Variants in KIF1B observed in about 807,000 individuals in gnomAD.
KIF1B encodes the protein kinesin-like protein KIF1B.
Under a neutral mutation model 241.9 loss-of-function variants are expected in KIF1B, and 76 were observed. The ratio of observed to expected loss-of-function variants is 0.31; its 90% confidence interval spans 0.26 to 0.38. The LOEUF (loss-of-function observed/expected upper bound fraction) is 0.38, where lower values mean the gene tolerates loss of function less well. Among genes scored for constraint, KIF1B ranks in the 10% least tolerant of loss-of-function variants. The pLI is 1.00. For synonymous variants in KIF1B, 750 were observed against 796.7 expected, an observed-to-expected ratio of 0.94 and a Z score of 0.99; for missense variants, 1,622 against 2,271.4, an observed-to-expected ratio of 0.71 and a Z score of 5.81.
chr1:10,296,618 C>G lies in KIF1B; in HGVS notation c.1814C>G (p.Thr605Ser), dbSNP rs1650277294. Residue 605 changes from threonine to serine, a missense_variant, in exon 20 of 49, where the codon ACC becomes AGC. Physicochemically the swap from Thr to Ser is moderately conservative, Grantham distance 58. This residue lies in a region of KIF1B where 803 missense variants were observed against 1,112.0 expected (regional missense o/e 0.72). Transcript: ENST00000676179. ...VTLEPCERSE[T>S]YVNGKRVSQP... ...TTAGAGCCCTGTGAGCGCTCAGAAACCTACGTAAATGGCAAGAGGGTGTCC... is the reference window on the plus strand; with the variant it reads ...TTAGAGCCCTGTGAGCGCTCAGAAAGCTACGTAAATGGCAAGAGGGTGTCC... 1 of 1,613,848 alleles carries G rather than the reference C, an allele frequency of 6.2e-7. No homozygotes were observed. The highest frequency in any genetic ancestry group is 8.5e-7 in the Non-Finnish European group (1 of 1,179,984).
rs1638979039 is a variant in KIF1B, at chr1:10,379,883, G to A, written c.*3296G>A. 4.4e-6 allele frequency: 1 copy of A among 229,748 alleles called. No individual in the cohort carries two copies. Among genetic ancestry groups the A allele is most frequent in the Non-Finnish European group, 8.6e-6 (1 of 115,862 alleles). The allele number at this position is 229,748 out of a possible 1,614,324, so 14.2% of individuals were successfully genotyped here. A position where few individuals can be genotyped will look rare whatever the true frequency, so the allele number is the denominator to read the frequency against. ...AGCCCATGCGCTAGTCAGGAGCACA[G>A]GCAAGGGGTGCTTGTGGCAGTGGCC... is the stretch of plus-strand genomic sequence containing the variant. On this transcript the variant is annotated 3_prime_UTR_variant, in exon 49 of 49. Transcript: ENST00000676179.
chr1:10,248,558 G>C (rs1295252273), intron 2 of KIF1B, among the ~76,000 whole-genome samples: 1 of 152,168 alleles, frequency 6.6e-6, no homozygotes, highest in African/African-American at 2.4e-5. Flanking sequence ...TGCAACACCA[G>C]ATACTGGGAC....
At chr1:10,294,167 A>G (rs1650145594) in intron 17 of KIF1B, among the ~76,000 whole-genome samples, 1 of 152,214 alleles carries the variant, frequency 6.6e-6, no homozygotes, top group South Asian at 2.1e-4. Context: ...CCTCAAGACC[A>G]TGTGACTTAT....
intron 27 of KIF1B, among the ~76,000 whole-genome samples, chr1:10,330,685 G>A (rs1301432638): frequency 1.3e-5 from 2 of 152,078 alleles, no homozygotes; most frequent in African/African-American, 2.4e-5. Flanking sequence ...AAGATAAGAG[G>A]CAAATCATTT....
chr1:10,268,065 G>GTT (rs1394241955), intron 6 of KIF1B, 87 bp from the exon 7 acceptor site: 1 of 841,086 alleles, frequency 1.2e-6, no homozygotes, highest in Admixed American at 2.0e-5. Flanking sequence ...GCTTGTGATT[G>GTT]TTATGCTTAT....
At chr1:10,320,911 G>C (rs1019066876) in intron 23 of KIF1B, among the ~76,000 whole-genome samples, 1 of 151,968 alleles carries the variant, frequency 6.6e-6, no homozygotes, top group Non-Finnish European at 1.5e-5. Context: ...ATGTTGGTCA[G>C]ACTGGTCTCA....
At chr1:10,354,422 C>T (rs965653755) in intron 38 of KIF1B, among the ~76,000 whole-genome samples, 1 of 152,114 alleles carries the variant, frequency 6.6e-6, no homozygotes, top group Non-Finnish European at 1.5e-5. Context: ...TGAAGAAAAT[C>T]TAAGTTCAAA....
chr1:10,261,243 C>G (rs899324041), intron 4 of KIF1B, among the ~76,000 whole-genome samples: 1 of 150,756 alleles, frequency 6.6e-6, no homozygotes. Flanking sequence ...CTGAGATTTA[C>G]AGGCGTGAGC....
chr1:10,275,566 T>G (rs974934633), intron 11 of KIF1B, 63 bp downstream of exon 11: 3 of 931,120 alleles, frequency 3.2e-6, no homozygotes, highest in Non-Finnish European at 5.4e-6. Flanking sequence ...TGTGGTTAAT[T>G]GTCCTGTGTC....
At chr1:10,325,145 C>G (rs1041350341) in intron 26 of KIF1B, among the ~76,000 whole-genome samples, 8 of 152,176 alleles carry the variant, frequency 5.3e-5, no homozygotes, top group African/African-American at 1.9e-4. Flanking sequence ...TTTAAACTTA[C>G]AAAGTGTTCT....
chr1:10,271,398 T>C lies in KIF1B; in HGVS notation c.721-104T>C, dbSNP rs561890876. The C allele has an allele frequency of 4.3e-5, 37 of 860,292 alleles. No individual in the cohort carries two copies. In the East Asian group the frequency reaches 7.8e-4, roughly 18 times the overall value. The allele number at this position is 860,292 out of a possible 1,614,324, so 53.3% of individuals were successfully genotyped here. ...TATTTAAAAGCTCTAATACTTTTAG[T>C]TTTTTCCATACCTTAATCTTTTAAA... On this transcript the variant is annotated intron_variant, in intron 7 of 48. Transcript: ENST00000676179.
intron 28 of KIF1B, among the ~76,000 whole-genome samples, chr1:10,335,818 A>AC (rs1652146775): frequency 6.7e-6 from 1 of 148,936 alleles, no homozygotes; most frequent in Non-Finnish European, 1.5e-5. Flanking sequence ...ACATAGTGAG[A>AC]CCCCATCTCT....
At chr1:10,366,900 G>C (rs1262640620) in intron 43 of KIF1B, among the ~76,000 whole-genome samples, 1 of 151,726 alleles carries the variant, frequency 6.6e-6, no homozygotes, top group Non-Finnish European at 1.5e-5. Context: ...GAACCCAGGT[G>C]GCGGAGGCTG....
At chr1:10,285,763 A>G (rs1011683319) in intron 15 of KIF1B, among the ~76,000 whole-genome samples, 2 of 152,188 alleles carry the variant, frequency 1.3e-5, no homozygotes, top group Non-Finnish European at 2.9e-5. Context: ...AACATCTTTC[A>G]TCCGTAGCGC....
intron 9 of KIF1B, chr1:10,272,544 A>G (rs1648857721): frequency 3.4e-6 from 2 of 582,050 alleles, no homozygotes. Flanking sequence ...TAGAGCAAAC[A>G]CTGAAGGTTT....
At position 10,220,170 on chromosome 1, in the gene KIF1B, C is replaced by T. The variant is rs1003901218; in HGVS notation, c.-80+9292C>T. On this transcript the variant is annotated intron_variant, in intron 1 of 48. Transcript: ENST00000676179. Reference sequence around the variant, plus strand: ...TGAGCCGAGATCGCGAGCCATTGCACTCCAGCCTGGGCAACAAAAGCGAAA... The same window carrying T: ...TGAGCCGAGATCGCGAGCCATTGCATTCCAGCCTGGGCAACAAAAGCGAAA... Among the ~76,000 whole-genome samples, 11 of 150,224 alleles carry T rather than the reference C, an allele frequency of 7.3e-5. No individual in the cohort carries two copies. In the East Asian group the frequency reaches 2.2e-3, roughly 29 times the overall value.
At chr1:10,220,446 C>G (rs1345857288) in intron 1 of KIF1B, among the ~76,000 whole-genome samples, 2 of 147,580 alleles carry the variant, frequency 1.4e-5, no homozygotes, top group Admixed American at 1.3e-4. Flanking sequence ...TAGATATGTA[C>G]TAAATGTTTT....
At chr1:10,309,863 C>T (rs1249537587) in intron 22 of KIF1B, among the ~76,000 whole-genome samples, 1 of 151,514 alleles carries the variant, frequency 6.6e-6, no homozygotes, top group Non-Finnish European at 1.5e-5. Flanking sequence ...CCACTCTTAA[C>T]ACTGTCACTC....
chr1:10,214,961 G>A (rs1646743678), intron 1 of KIF1B, among the ~76,000 whole-genome samples: 1 of 151,348 alleles, frequency 6.6e-6, no homozygotes, highest in Non-Finnish European at 1.5e-5. Flanking sequence ...TCCTGATATG[G>A]TTTCCGTGAT....
Sources: allele counts gnomAD v4.1 joint callset (sites outside exome capture counted in the v4.1 genomes callset), GRCh38; gene constraint gnomAD v4.1.1; regional missense constraint gnomAD v4.1.1; transcripts MANE v1.5; gene names NCBI Gene and HGNC (gene_info 2026-07-23, HGNC 2026-07-21).